Variants in MACF1 observed in about 807,000 individuals in gnomAD.
MACF1 encodes microtubule actin crosslinking factor 1.
Under a neutral mutation model 854.8 loss-of-function variants are expected in MACF1, and 193 were observed. The ratio of observed to expected loss-of-function variants is 0.23; its 90% CI spans 0.20 to 0.25. MACF1 has a LOEUF of 0.25. MACF1 is among the 10% of genes least tolerant of loss of function. MACF1 has a pLI of 1.00. For synonymous variants in MACF1, 3,185 were observed against 3,226.7 expected (o/e 0.99, Z 0.44); for missense variants, 7,722 against 8,929.1 (o/e 0.86, Z 5.45).
chr1:39,235,177 C>G (rs1037616686), intron 2 of MACF1, among the ~76,000 whole-genome samples: 21 of 152,250 alleles, frequency 1.4e-4, no homozygotes, highest in Admixed American at 1.2e-3. Flanking sequence ...GAGGTTGTAG[C>G]GAGCCGAGAT....
rs561431494 is a variant in MACF1, at chr1:39,162,235, C to T, written c.221-68947C>T. Among the ~76,000 whole-genome samples, 3 of 152,284 alleles carry T rather than the reference C, an allele frequency of 2.0e-5. No homozygotes were observed. The East Asian group carries it at 5.8e-4, about 29-fold the overall frequency. The stretch of plus-strand genomic sequence containing the variant: ...CAGGCTGGTCTCAAACTCCTGACCT[C>T]AAGTGATCTGCCCGCCTTGGCTTCC... On this transcript the variant is annotated intron_variant, in intron 2 of 93. Coordinates refer to the MACF1 transcript ENST00000361689.
At chr1:39,095,561 C>CAAAAAA (rs34021324) in intron 2 of MACF1, among the ~76,000 whole-genome samples, 10 of 55,846 alleles carry the variant, frequency 1.8e-4, no homozygotes, top group Non-Finnish European at 2.8e-4. Flanking sequence ...GACTCTGTCT[C>CAAAAAA]AAAAAAAAAA....
At position 39,219,976 on chromosome 1, in the gene MACF1, C is replaced by T. The variant is rs112732911; in HGVS notation, c.110-11206C>T. Among the ~76,000 whole-genome samples the T allele has an allele frequency of 7.0e-3, 1,066 of 152,230 alleles. 10 individuals are homozygous for T. Among genetic ancestry groups the T allele is most frequent in the Non-Finnish European group, 0.01 (699 of 68,016 alleles). ...ATGTTGGCCAGGCTAGTCTCGAACT[C>T]CTGACCTCAGGTGATCTGCCCACCT... is the stretch of plus-strand genomic sequence containing the variant. On this transcript the variant is annotated intron_variant, in intron 1 of 100. Coordinates refer to ENST00000564288, the MANE Select transcript of MACF1 (RefSeq NM_001394062.1).
intron 16 of MACF1, 56 bp downstream of exon 16, chr1:39,292,094 G>C: frequency 1.3e-6 from 2 of 1,598,632 alleles, no homozygotes; most frequent in East Asian, 4.5e-5. Flanking sequence ...ACGGATGAAA[G>C]GACAGTACAC....
At chr1:39,135,235 T>C (rs1255954733) in intron 2 of MACF1, among the ~76,000 whole-genome samples, 1 of 152,220 alleles carries the variant, frequency 6.6e-6, no homozygotes, top group African/African-American at 2.4e-5. Flanking sequence ...TTGGGTTTTT[T>C]TGACATCTTA....
intron 56 of MACF1, among the ~76,000 whole-genome samples, chr1:39,384,985 G>A (rs1650557949): frequency 1.3e-5 from 2 of 152,234 alleles, no homozygotes; most frequent in Admixed American, 1.3e-4. Flanking sequence ...CAGCCTAATA[G>A]CCTGGTCCTT....
chr1:39,143,565 A>C (rs926944498), intron 2 of MACF1, among the ~76,000 whole-genome samples: 1 of 152,080 alleles, frequency 6.6e-6, no homozygotes, highest in African/African-American at 2.4e-5. Context: ...TCCCACCCTC[A>C]TCCTGGAGGT....
intron 43 of MACF1, 114 bp downstream of exon 43, chr1:39,351,132 A>G: frequency 1.4e-6 from 1 of 728,588 alleles, no homozygotes; most frequent in Non-Finnish European, 2.2e-6. Context: ...ATCATGAGGA[A>G]GGGCTACTTC....
At chr1:39,161,173 T>A (rs1319167683) in intron 2 of MACF1, among the ~76,000 whole-genome samples, 1 of 152,062 alleles carries the variant, frequency 6.6e-6, no homozygotes, top group African/African-American at 2.4e-5. Flanking sequence ...AAAACCTTAG[T>A]TATTGGGGTG....
intron 1 of MACF1, among the ~76,000 whole-genome samples, chr1:39,212,102 A>G (rs1426106531): frequency 6.6e-6 from 1 of 151,972 alleles, no homozygotes; most frequent in Non-Finnish European, 1.5e-5. Flanking sequence ...TTCTGACCAC[A>G]TGTGGAAATA....
chr1:39,088,525 T>C (rs1641731802), intron 2 of MACF1, among the ~76,000 whole-genome samples: 1 of 152,210 alleles, frequency 6.6e-6, no homozygotes, highest in East Asian at 1.9e-4. Context: ...AGGATCCTGG[T>C]CTATAGAACC....
intron 2 of MACF1, among the ~76,000 whole-genome samples, chr1:39,123,717 G>GTT (rs1170430073): frequency 0.019 from 1,920 of 100,408 alleles, 170 homozygotes; most frequent in African/African-American, 0.058. Flanking sequence ...TTCTTGTTTT[G>GTT]TTTTTTTTTT....
intron 70 of MACF1, chr1:39,436,504 C>T: frequency 6.2e-7 from 1 of 1,612,966 alleles, no homozygotes; most frequent in South Asian, 1.1e-5. Context: ...AGGTACCCAT[C>T]CCCATTGGGA....
At chr1:39,296,321 A>G (rs1459090706) in intron 20 of MACF1, among the ~76,000 whole-genome samples, 1 of 152,062 alleles carries the variant, frequency 6.6e-6, no homozygotes, top group African/African-American at 2.4e-5. Context: ...TTAAAGCCAG[A>G]CATGTGGCTG....
chr1:39,163,078 C>A (rs1643833997), intron 2 of MACF1, among the ~76,000 whole-genome samples: 1 of 152,096 alleles, frequency 6.6e-6, no homozygotes, highest in African/African-American at 2.4e-5. Flanking sequence ...AGTCGCCGGG[C>A]ATGGTGGCTC....
Position 39,361,608 on chromosome 1 carries a change from C to T in MACF1, c.12702C>T (p.Asn4234=), listed in dbSNP as rs764798917. The T allele has an allele frequency of 6.2e-7, 1 of 1,614,162 alleles. No homozygotes were observed. The highest frequency in any genetic ancestry group is 8.5e-7 in the Non-Finnish European group (1 of 1,180,016). The change falls in exon 49 of 101, where the codon AAC becomes AAT. Residue 4234 remains asparagine, a synonymous_variant. Coordinates refer to ENST00000564288, the MANE Select transcript of MACF1 (RefSeq NM_001394062.1). ...GTAAGCTGCAGCAGTTCATGGAAAA[C>T]AAAAGTCGGATGCTGGCCTCTGGAA... ...LSGKLQQFME[N]KSRMLASGNQ... is the part of the protein sequence containing the mutation.
chr1:39,238,179 G>A (rs1279388621), intron 2 of MACF1, among the ~76,000 whole-genome samples: 1 of 152,202 alleles, frequency 6.6e-6, no homozygotes, highest in African/African-American at 2.4e-5. Context: ...ATGTGCGTCT[G>A]TCCCTGACTG....
rs760819487 is a variant in MACF1, at chr1:39,332,908, G to C, written c.6320G>C (p.Arg2107Thr). Residue 2107 changes from arginine to threonine, a missense_variant, in exon 37 of 101, where the codon AGG (arginine) becomes ACG (threonine). By Grantham distance (71) the Arg-to-Thr change is moderately conservative. Transcript: ENST00000564288. ...VINKVKLEVQ[R>T]QLIGTQREDQ... is the part of the protein sequence containing the mutation. ...AATAAAGTCAAATTAGAGGTACAAA[G>C]GCAGTTGATAGGTACCCAAAGGGAA... is the stretch of plus-strand genomic sequence containing the variant. 6.2e-7 allele frequency: 1 copy of C among 1,614,078 alleles called. No individual in the cohort carries two copies.
At chr1:39,225,928 A>C (rs1644710999) in intron 1 of MACF1, among the ~76,000 whole-genome samples, 1 of 152,194 alleles carries the variant, frequency 6.6e-6, no homozygotes, top group African/African-American at 2.4e-5. Context: ...ATAATTCTTA[A>C]GGTTGCTTCT....
Sources: allele counts gnomAD v4.1 joint callset (sites outside exome capture counted in the v4.1 genomes callset), GRCh38; gene constraint gnomAD v4.1.1; transcripts MANE v1.5; gene names NCBI Gene and HGNC (gene_info 2026-07-23, HGNC 2026-07-21).